STMN2: variants seen among roughly 807,000 people sequenced by gnomAD.
STMN2 encodes the protein stathmin-2.
In STMN2, 2 loss-of-function variants were observed where a neutral mutation model predicts 24.1. That is an observed-to-expected ratio of 0.08 (90% CI 0.03 to 0.26). The LOEUF (loss-of-function observed/expected upper bound fraction) is 0.26. STMN2 is among the 10% of genes least tolerant of loss of function. The pLI, the probability that STMN2 is intolerant of heterozygous loss-of-function variation, is 1.00. For synonymous variants in STMN2, 83 were observed against 77.5 expected (o/e 1.07, Z -0.37); for missense variants, 114 against 213.6 (o/e 0.53, Z 2.91).
At chr8:79,629,434 A>G (rs1809745998) in intron 1 of STMN2, among the ~76,000 whole-genome samples, 1 of 152,186 alleles carries the variant, frequency 6.6e-6, no homozygotes, top group African/African-American at 2.4e-5. Context: ...TGCACCATTT[A>G]CATAAGCCAA....
intron 1 of STMN2, among the ~76,000 whole-genome samples, chr8:79,621,330 A>G (rs1198965735): frequency 1.3e-5 from 2 of 152,244 alleles, no homozygotes; most frequent in African/African-American, 4.8e-5. Context: ...GAGTTTTTAA[A>G]TTGTCATTAG....
chr8:79,637,040 C>G (rs1037804890), intron 2 of STMN2, 143 bp downstream of exon 2: 3 of 718,732 alleles, frequency 4.2e-6, no homozygotes, highest in Non-Finnish European at 7.0e-6. Flanking sequence ...GCTATTATGT[C>G]CAATTGATTA....
In STMN2 at chr8:79,619,273, G is replaced by C. The variant is rs537436392; in HGVS notation, c.19+8059G>C. On this transcript the variant is annotated intron_variant, in intron 1 of 4. Transcript: ENST00000220876. Reference sequence around the variant, plus strand: ...TTTATATCAGGATAAAGAGAATTGAGTGAAATTTATCTAAACCTAGTCCCA... The same window carrying C: ...TTTATATCAGGATAAAGAGAATTGACTGAAATTTATCTAAACCTAGTCCCA... 3.9e-5 allele frequency among the ~76,000 whole-genome samples: 6 copies of C among 152,244 alleles called. No homozygotes were observed. The South Asian group carries it at 1.2e-3, about 32-fold the overall frequency.
chr8:79,656,857 C>T (rs146014672), intron 4 of STMN2, among the ~76,000 whole-genome samples: 149 of 152,040 alleles, frequency 9.8e-4, no homozygotes, highest in African/African-American at 3.1e-3. Flanking sequence ...CCCAAACACA[C>T]GGCATAGCCT....
intron 1 of STMN2, among the ~76,000 whole-genome samples, chr8:79,620,276 A>T (rs2130303376): frequency 6.6e-6 from 1 of 150,692 alleles, no homozygotes; most frequent in East Asian, 1.9e-4. Flanking sequence ...TATATCATGT[A>T]TGTGCCTATT....
chr8:79,627,642 T>C (rs1382716570), intron 1 of STMN2, among the ~76,000 whole-genome samples: 1 of 152,270 alleles, frequency 6.6e-6, no homozygotes, highest in East Asian at 1.9e-4. Context: ...ATTCAAGACA[T>C]TAATTTCTTT....
At chr8:79,631,793 G>C (rs986627497) in intron 1 of STMN2, among the ~76,000 whole-genome samples, 1 of 152,138 alleles carries the variant, frequency 6.6e-6, no homozygotes, top group Admixed American at 6.5e-5. Flanking sequence ...GTGCCCCAAA[G>C]TAAGCAAAGT....
chr8:79,629,947 A>G (rs1809760040), intron 1 of STMN2, among the ~76,000 whole-genome samples: 1 of 152,206 alleles, frequency 6.6e-6, no homozygotes, highest in African/African-American at 2.4e-5. Context: ...ATACCAGCCT[A>G]CGGAAGTAGA....
chr8:79,658,228 A>C (rs1806418584), intron 4 of STMN2, among the ~76,000 whole-genome samples: 1 of 152,186 alleles, frequency 6.6e-6, no homozygotes, highest in Non-Finnish European at 1.5e-5. Context: ...TGGGCCAAGG[A>C]GTTCGAGACT....
chr8:79,637,341 A>G (rs2130350245), intron 2 of STMN2, among the ~76,000 whole-genome samples: 1 of 152,320 alleles, frequency 6.6e-6, no homozygotes, highest in Admixed American at 6.5e-5. Context: ...ATACATGTCA[A>G]CCAGCTAATG....
At chr8:79,616,061 CT>C (rs1437573582) in intron 1 of STMN2, among the ~76,000 whole-genome samples, 2 of 152,206 alleles carry the variant, frequency 1.3e-5, no homozygotes, top group Non-Finnish European at 2.9e-5. Flanking sequence ...CAGAGCACAT[CT>C]GAATATCAGA....
In STMN2 at chr8:79,641,628, GCACACACACACACACA is replaced by G. The variant is rs61386841; in HGVS notation, c.288+107_288+122del. 942 of 431,260 alleles carry G rather than the reference GCACACACACACACACA, an allele frequency of 2.2e-3. 2 individuals carry two copies. Among genetic ancestry groups the G allele is most frequent in the Middle Eastern group, 2.9e-3 (4 of 1,394 alleles). 26.7% of individuals were successfully genotyped at this position (431,260 alleles called of 1,614,324 possible). On this transcript the variant is annotated intron_variant, in intron 3 of 4. Coordinates refer to ENST00000220876, the MANE Select transcript of STMN2 (RefSeq NM_007029.4). ...CTCACACACTCGGGCACACATGCACGCACACACACACACACACACACACACACACACACACACACAC... is the reference window on the plus strand; with the variant it reads ...CTCACACACTCGGGCACACATGCACGCACACACACACACACACACACACAC...
At position 79,620,879 on chromosome 8, in the gene STMN2, C is replaced by T. The variant is rs920469065; in HGVS notation, c.19+9665C>T. The T allele has an allele frequency of 8.0e-6, 6 of 749,124 alleles. No individual in the cohort carries two copies. The Admixed American group carries it at 2.5e-4, about 31-fold the overall frequency. The allele number at this position is 749,124 out of a possible 1,614,324, so 46.4% of individuals were successfully genotyped here. The stretch of plus-strand genomic sequence containing the variant: ...ACTCTATTAGGTCTGAAGCAGGTCC[C>T]ATGGATTTGCATTTCTAACAAGCTC... On this transcript the variant is annotated intron_variant, in intron 1 of 4. Transcript: ENST00000220876.
intron 4 of STMN2, among the ~76,000 whole-genome samples, chr8:79,664,306 T>C (rs1806557743): frequency 6.6e-6 from 1 of 152,160 alleles, no homozygotes; most frequent in South Asian, 2.1e-4. Flanking sequence ...CAAGTGTGTG[T>C]AGGAAAAGAT....
At chr8:79,657,183 C>T (rs1402258924) in intron 4 of STMN2, among the ~76,000 whole-genome samples, 1 of 152,118 alleles carries the variant, frequency 6.6e-6, no homozygotes, top group Non-Finnish European at 1.5e-5. Context: ...CAGGGCATAT[C>T]CTTCTTGATT....
chr8:79,613,296 C>T (rs895711147), intron 1 of STMN2, among the ~76,000 whole-genome samples: 1 of 152,206 alleles, frequency 6.6e-6, no homozygotes, highest in African/African-American at 2.4e-5. Flanking sequence ...CCGCCTACCG[C>T]TGGCCGGGTG....
chr8:79,628,150 T>G (rs1254538110), intron 1 of STMN2, among the ~76,000 whole-genome samples: 1 of 151,952 alleles, frequency 6.6e-6, no homozygotes, highest in Non-Finnish European at 1.5e-5. Flanking sequence ...CTAGTAGTTT[T>G]ATTTTTTTTT....
intron 3 of STMN2, among the ~76,000 whole-genome samples, chr8:79,643,076 C>A (rs1427150586): frequency 7.0e-6 from 1 of 143,380 alleles, no homozygotes; most frequent in Non-Finnish European, 1.5e-5. Flanking sequence ...TGTATATATG[C>A]CATAATTATA....
At chr8:79,625,162 A>G (rs980958694) in intron 1 of STMN2, among the ~76,000 whole-genome samples, 1 of 151,840 alleles carries the variant, frequency 6.6e-6, no homozygotes, top group African/African-American at 2.4e-5. Context: ...CTATTTTTTT[A>G]TTTTTTGCAC....
Sources: allele counts gnomAD v4.1 joint callset (sites outside exome capture counted in the v4.1 genomes callset), GRCh38; gene constraint gnomAD v4.1.1; transcripts MANE v1.5; gene names NCBI Gene and HGNC (gene_info 2026-07-23, HGNC 2026-07-21).